PLA2G2C: variants seen among roughly 807,000 people sequenced by gnomAD.
PLA2G2C encodes phospholipase A2 group IIC, also known as putative inactive group IIC secretory phospholipase A2.
Under a neutral mutation model 14.3 loss-of-function variants are expected in PLA2G2C, and 15 were observed. The ratio of observed to expected loss-of-function variants is 1.05; its 90% CI spans 0.70 to 1.62. The LOEUF is 1.62. Among genes scored for constraint, PLA2G2C ranks in the 40% most tolerant of loss-of-function variants. PLA2G2C has a pLI of 0.00. For missense variants in PLA2G2C, 162 were observed against 173.2 expected (o/e 0.94, Z 0.36); for synonymous variants, 79 against 67.7 (o/e 1.17, Z -0.82).
intron 1 of PLA2G2C, chr1:20,184,197 G>GCAAA (rs1553184788): frequency 6.7e-6 from 1 of 149,618 alleles, no homozygotes; most frequent in Non-Finnish European, 1.5e-5. Context: ...GTGCGCACAC[G>GCAAA]CACACACACA....
intron 4 of PLA2G2C, among the ~76,000 whole-genome samples, chr1:20,166,517 G>T (rs1557784832): frequency 2.0e-5 from 3 of 152,182 alleles, no homozygotes; most frequent in Admixed American, 6.5e-5. Context: ...CTTGAGCTCA[G>T]GCCCCCCAGC....
At chr1:20,164,836 C>A (rs1014282316) in intron 4 of PLA2G2C, among the ~76,000 whole-genome samples, 1 of 152,262 alleles carries the variant, frequency 6.6e-6, no homozygotes, top group Non-Finnish European at 1.5e-5. Context: ...TCCCGCTAAT[C>A]TTCTCTGTGT....
intron 2 of PLA2G2C, among the ~76,000 whole-genome samples, chr1:20,175,996 G>A (rs1396468949): frequency 6.9e-6 from 1 of 144,450 alleles, no homozygotes; most frequent in Non-Finnish European, 1.5e-5. Flanking sequence ...TGCAACCTCC[G>A]CCTCCCGGGT....
At chr1:20,181,831 T>C (rs942014653) in intron 1 of PLA2G2C, among the ~76,000 whole-genome samples, 2 of 152,176 alleles carry the variant, frequency 1.3e-5, no homozygotes, top group Admixed American at 6.5e-5. Context: ...AGCACAATTA[T>C]TGACTGCGAG....
At chr1:20,169,158 A>G (rs777750690) in intron 4 of PLA2G2C, among the ~76,000 whole-genome samples, 4 of 152,142 alleles carry the variant, frequency 2.6e-5, no homozygotes, top group Non-Finnish European at 5.9e-5. Flanking sequence ...TGCAATTAGG[A>G]TAGGGAAATA....
chr1:20,170,153 G>A (rs2018045953), intron 4 of PLA2G2C, among the ~76,000 whole-genome samples: 1 of 152,252 alleles, frequency 6.6e-6, no homozygotes, highest in Non-Finnish European at 1.5e-5. Flanking sequence ...GAGTTCAGGT[G>A]CTGTGCGTAC....
intron 3 of PLA2G2C, among the ~76,000 whole-genome samples, chr1:20,174,748 T>C (rs1326698299): frequency 6.6e-6 from 1 of 152,112 alleles, no homozygotes; most frequent in African/African-American, 2.4e-5. Context: ...ACTTTACAGA[T>C]CACACGCTCA....
intron 2 of PLA2G2C, among the ~76,000 whole-genome samples, chr1:20,176,369 G>A (rs2018183710): frequency 6.6e-6 from 1 of 152,172 alleles, no homozygotes; most frequent in Non-Finnish European, 1.5e-5. Flanking sequence ...TTACCTTGTT[G>A]CTATATACTC....
At chr1:20,178,562 T>A (rs187744085) in intron 1 of PLA2G2C, among the ~76,000 whole-genome samples, 2 of 152,332 alleles carry the variant, frequency 1.3e-5, no homozygotes, top group East Asian at 3.9e-4. Context: ...TCACTTCAAT[T>A]GCTGTGCGGG....
chr1:20,164,120 G>A lies in PLA2G2C; in HGVS notation c.321C>T (p.Cys107=). The A allele has an allele frequency of 6.2e-7, 1 of 1,613,494 alleles. No individual in the cohort carries two copies. The highest frequency in any genetic ancestry group is 8.5e-7 in the Non-Finnish European group (1 of 1,179,616). ...TGTCACACTCACAGGCCTTCAGCCT[G>A]CAGTGGCAGCTGGCACCAGGACCAA... The part of the protein sequence containing the change: ...CTLGPGASCH[C]RLKACECDKQ... The change falls in exon 5 of 5, where the codon TGC becomes TGT. Residue 107 remains cysteine, a synonymous_variant. Coordinates refer to ENST00000679259, the MANE Select transcript of PLA2G2C (RefSeq NM_001367969.2).
intron 4 of PLA2G2C, among the ~76,000 whole-genome samples, chr1:20,171,348 G>A (rs1352637411): frequency 2.0e-5 from 3 of 152,218 alleles, no homozygotes; most frequent in Non-Finnish European, 4.4e-5. Context: ...AACAAAAGGG[G>A]GTTCTTTCCC....
Position 20,163,836 on chromosome 1 carries a change from G to T in PLA2G2C, c.*155C>A. ...ATGCTGAACGACAGGGAGTCCCCTTGGTCAGAATGCTGAAGGGTGAGCTGC... is the reference window on the plus strand; with the variant it reads ...ATGCTGAACGACAGGGAGTCCCCTTTGTCAGAATGCTGAAGGGTGAGCTGC... On this transcript the variant is annotated 3_prime_UTR_variant, in exon 5 of 5. Transcript: ENST00000679259. 6 of 809,444 alleles carry T rather than the reference G, an allele frequency of 7.4e-6. No homozygotes were observed. The highest frequency in any genetic ancestry group is 1.9e-5 in the South Asian group (1 of 51,672). The allele number at this position is 809,444 out of a possible 1,614,324, so 50.1% of individuals were successfully genotyped here.
In PLA2G2C at chr1:20,175,121, T is replaced by C; in HGVS notation, c.65A>G (p.Gln22Arg). 6.2e-7 allele frequency: 1 copy of C among 1,613,890 alleles called. No homozygotes were observed. The highest frequency in any genetic ancestry group is 8.5e-7 in the Non-Finnish European group (1 of 1,179,862). ...GATGTGTTTGACCCTCCTCTGAAACTGCCAGAAACTGCTGTGGGTGGGGGC... is the reference window on the plus strand; with the variant it reads ...GATGTGTTTGACCCTCCTCTGAAACCGCCAGAAACTGCTGTGGGTGGGGGC... The part of the protein sequence containing the change: ...FCSPTHSSFW[Q>R]FQRRVKHITG... Residue 22 changes from glutamine to arginine, a missense_variant, in exon 3 of 5, where the codon CAG becomes CGG. Coordinates refer to ENST00000679259, the MANE Select transcript of PLA2G2C (RefSeq NM_001367969.2).
chr1:20,165,723 T>C (rs953233344), intron 4 of PLA2G2C, among the ~76,000 whole-genome samples: 4 of 112,758 alleles, frequency 3.5e-5, no homozygotes, highest in African/African-American at 9.2e-5. Flanking sequence ...TGTGTGCATG[T>C]GTATGCTTGT....
At chr1:20,172,964 C>T (rs2018115159) in intron 3 of PLA2G2C, 67 bp from the exon 4 acceptor site, 6 of 1,183,510 alleles carry the variant, frequency 5.1e-6, no homozygotes, top group Non-Finnish European at 7.5e-6. Context: ...GCTCACCTGC[C>T]TCCTCCTCTA....
At chr1:20,168,470 G>A (rs949555230) in intron 4 of PLA2G2C, among the ~76,000 whole-genome samples, 4 of 152,172 alleles carry the variant, frequency 2.6e-5, no homozygotes, top group East Asian at 1.9e-4. Flanking sequence ...CTTTCTAGTC[G>A]GTGGGGGAGA....
chr1:20,182,800 A>C (rs2018294518), intron 1 of PLA2G2C, among the ~76,000 whole-genome samples: 2 of 152,252 alleles, frequency 1.3e-5, no homozygotes, highest in Non-Finnish European at 2.9e-5. Flanking sequence ...TAGACTCTGA[A>C]ATCTAGAAAT....
chr1:20,168,959 TC>T, intron 4 of PLA2G2C, among the ~76,000 whole-genome samples: 1 of 152,304 alleles, frequency 6.6e-6, no homozygotes, highest in Non-Finnish European at 1.5e-5. Flanking sequence ...CACTGATCTC[TC>T]AGTGACATTT....
chr1:20,181,678 C>G (rs574652169), intron 1 of PLA2G2C, among the ~76,000 whole-genome samples: 9 of 152,092 alleles, frequency 5.9e-5, no homozygotes, highest in Non-Finnish European at 2.9e-5. Flanking sequence ...GCCCAGCAGC[C>G]GGACAGGAAT....
Sources: gnomAD v4.1 joint callset for allele counts (sites outside exome capture counted in the v4.1 genomes callset) on GRCh38, gnomAD v4.1.1 for gene constraint, MANE v1.5 for transcripts, NCBI Gene and HGNC (gene_info 2026-07-23, HGNC 2026-07-21) for gene names.